Variants in RUNX1T1 observed in about 807,000 individuals in gnomAD.
RUNX1T1 encodes RUNX1 partner transcriptional co-repressor 1, also known as protein CBFA2T1.
A neutral mutation model predicts 62.8 loss-of-function variants in RUNX1T1; 4 were observed. The observed-to-expected ratio is 0.06, with a 90% CI of 0.03 to 0.15. The LOEUF (loss-of-function observed/expected upper bound fraction) is 0.15. Among genes scored for constraint, RUNX1T1 ranks in the 10% least tolerant of loss-of-function variants. RUNX1T1 has a pLI of 1.00. For synonymous variants in RUNX1T1, 291 were observed against 286.0 expected (o/e 1.02, Z -0.18); for missense variants, 508 against 754.3 (o/e 0.67, Z 3.82).
chr8:92,051,969 CA>C (rs1830319584), intron 1 of RUNX1T1, among the ~76,000 whole-genome samples: 1 of 152,070 alleles, frequency 6.6e-6, no homozygotes, highest in Admixed American at 6.5e-5. Context: ...TCTCAAAGCA[CA>C]GTCCTCCAGG....
intron 1 of RUNX1T1, among the ~76,000 whole-genome samples, chr8:92,051,573 C>T (rs1042560528): frequency 6.8e-6 from 1 of 148,138 alleles, no homozygotes; most frequent in African/African-American, 2.6e-5. Flanking sequence ...CTCACATACA[C>T]ACACTCTCTC....
chr8:92,102,740 A>G, upstream of RUNX1T1: 2 of 1,081,198 alleles, frequency 1.8e-6, no homozygotes, highest in South Asian at 1.8e-5. The surrounding 1 kb of genome is among the most constrained non-coding windows in gnomAD (Gnocchi z 4.5). Flanking sequence ...TACAGCCTGG[A>G]GCCTCGCGGT....
chr8:92,090,670 G>A (rs1250827245), intron 1 of RUNX1T1, among the ~76,000 whole-genome samples: 1 of 152,184 alleles, frequency 6.6e-6, no homozygotes, highest in East Asian at 1.9e-4. Context: ...TGGATGAGTA[G>A]AAATGGCCAC....
At chr8:92,060,772 A>G (rs1216234561) in intron 1 of RUNX1T1, among the ~76,000 whole-genome samples, 1 of 152,110 alleles carries the variant, frequency 6.6e-6, no homozygotes, top group Non-Finnish European at 1.5e-5. Flanking sequence ...GAGGTAGTCC[A>G]TCCAATAGTA....
upstream of RUNX1T1, among the ~76,000 whole-genome samples, chr8:92,100,671 A>G (rs1239030613): frequency 6.6e-6 from 1 of 152,210 alleles, no homozygotes; most frequent in African/African-American, 2.4e-5. Context: ...AGATTGTCAG[A>G]CTTCTCTGAA....
At position 92,048,340 on chromosome 8, in the gene RUNX1T1, T is replaced by A. The variant is rs946211111; in HGVS notation, c.7+14206A>T. Among the ~76,000 whole-genome samples the A allele has an allele frequency of 3.3e-5, 5 of 152,226 alleles. No homozygotes were observed. The East Asian group carries it at 9.7e-4, about 29-fold the overall frequency. Reference sequence around the variant, plus strand: ...ATTATTAAACCCTGTGTATGCAACGTGATTTGACAATGACCAAAGCTTGTT... The same window carrying A: ...ATTATTAAACCCTGTGTATGCAACGAGATTTGACAATGACCAAAGCTTGTT... On this transcript the variant is annotated intron_variant, in intron 1 of 10. Transcript: ENST00000396218.
intron 1 of RUNX1T1, 122 bp from the exon 2 acceptor site, chr8:92,076,259 G>A: frequency 4.7e-6 from 3 of 639,182 alleles, no homozygotes; most frequent in African/African-American, 1.9e-5. Context: ...AAAAAAAACA[G>A]ATACAAGCTC....
At chr8:91,997,895 C>G (rs892080106) in intron 5 of RUNX1T1, among the ~76,000 whole-genome samples, 2 of 152,134 alleles carry the variant, frequency 1.3e-5, no homozygotes, top group African/African-American at 4.8e-5. Flanking sequence ...TGAAGACTTA[C>G]TTTATTTTAT....
intron 1 of RUNX1T1, among the ~76,000 whole-genome samples, chr8:92,039,789 G>A (rs1828097476): frequency 6.6e-6 from 1 of 152,042 alleles, no homozygotes; most frequent in Admixed American, 6.6e-5. Flanking sequence ...ACCATACCTG[G>A]CTCCATACCA....
At chr8:91,999,003 T>C (rs62520938) in intron 5 of RUNX1T1, among the ~76,000 whole-genome samples, 32,481 of 152,246 alleles carry the variant, frequency 0.21, 4,301 homozygotes, top group Non-Finnish European at 0.3. Context: ...TTGTTCTGTT[T>C]GTAGTGTTTT....
chr8:92,102,434 AAAAG>A (rs1216909512), upstream of RUNX1T1, among the ~76,000 whole-genome samples: 3 of 151,996 alleles, frequency 2.0e-5, no homozygotes, highest in South Asian at 2.1e-4. This position sits in a 1 kb window ranked among gnomAD's most constrained non-coding sequence, Gnocchi z 4.5. Flanking sequence ...AAAAAAAAAA[AAAAG>A]AAAGGAAAAG....
downstream of RUNX1T1, chr8:91,958,608 AT>A: frequency 5.6e-6 from 1 of 179,448 alleles, no homozygotes; most frequent in East Asian, 9.1e-5. Context: ...TTGTTATTTT[AT>A]TTTTTTAAAA....
chr8:92,053,585 A>G (rs888594009), intron 1 of RUNX1T1, among the ~76,000 whole-genome samples: 15 of 152,194 alleles, frequency 9.9e-5, no homozygotes, highest in Admixed American at 2.0e-4. Flanking sequence ...GCTAGCCACC[A>G]ATAAAGTTGT....
At chr8:92,047,872 A>G (rs1366243014) in intron 1 of RUNX1T1, among the ~76,000 whole-genome samples, 1 of 152,172 alleles carries the variant, frequency 6.6e-6, no homozygotes, top group Admixed American at 6.6e-5. Context: ...TTATCTACCC[A>G]CTTCCTCCAA....
At chr8:91,995,972 A>G (rs1818581065) in intron 5 of RUNX1T1, among the ~76,000 whole-genome samples, 1 of 152,144 alleles carries the variant, frequency 6.6e-6, no homozygotes, top group African/African-American at 2.4e-5. Context: ...TGCTTCTTAG[A>G]AATGCCTACA....
intron 4 of RUNX1T1, among the ~76,000 whole-genome samples, chr8:92,007,272 C>A (rs1205426373): frequency 6.6e-6 from 1 of 152,046 alleles, no homozygotes; most frequent in Non-Finnish European, 1.5e-5. Context: ...TCAAGACCAG[C>A]CTGGCCAACA....
intron 1 of RUNX1T1, among the ~76,000 whole-genome samples, chr8:92,027,021 C>A (rs1403993503): frequency 2.7e-5 from 4 of 148,558 alleles, no homozygotes; most frequent in African/African-American, 9.9e-5. Context: ...GAGGCTGAGG[C>A]AGGAGAATGG....
upstream of RUNX1T1, among the ~76,000 whole-genome samples, chr8:92,064,010 A>G (rs541172071): frequency 3.2e-4 from 48 of 152,242 alleles, 1 homozygote; most frequent in South Asian, 1.9e-3. Context: ...CACTTTCCAT[A>G]TGCTTTTAGC....
At chr8:92,065,819 C>T (rs955670677), upstream of RUNX1T1, among the ~76,000 whole-genome samples, 7 of 152,172 alleles carry the variant, frequency 4.6e-5, no homozygotes, top group South Asian at 6.2e-4. Context: ...CAACTTTCCT[C>T]TCGGCTTCTA....
Sources: allele counts gnomAD v4.1 joint callset (sites outside exome capture counted in the v4.1 genomes callset), GRCh38; gene constraint gnomAD v4.1.1; non-coding constraint Gnocchi (gnomAD v3.1); transcripts MANE v1.5; gene names NCBI Gene and HGNC (gene_info 2026-07-23, HGNC 2026-07-21).